The following CTNNA2 variants were observed in gnomAD, a reference collection of about 807,000 sequenced individuals.
CTNNA2 encodes catenin alpha-2.
A neutral mutation model predicts 101.0 loss-of-function variants in CTNNA2; 42 were observed. The observed-to-expected ratio is 0.42, with a 90% CI of 0.32 to 0.54. The LOEUF (loss-of-function observed/expected upper bound fraction) is 0.54, where lower values mean the gene tolerates loss of function less well. CTNNA2 is among the 20% of genes least tolerant of loss of function. The pLI, the probability that CTNNA2 is intolerant of heterozygous loss-of-function variation, is 0.14. For missense variants in CTNNA2, 871 were observed against 1,223.1 expected (o/e 0.71, Z 4.29); for synonymous variants, 450 against 456.4 (o/e 0.99, Z 0.18).
intron 3 of CTNNA2, among the ~76,000 whole-genome samples, chr2:79,767,493 G>C (rs891564405): frequency 2.6e-5 from 4 of 151,948 alleles, no homozygotes; most frequent in African/African-American, 9.7e-5. Flanking sequence ...ATCCTTCTTG[G>C]GAAGGCTTTC....
At chr2:80,307,959 G>T (rs533360855) in intron 7 of CTNNA2, among the ~76,000 whole-genome samples, 1 of 152,216 alleles carries the variant, frequency 6.6e-6, no homozygotes, top group African/African-American at 2.4e-5. Context: ...ACATAATCTG[G>T]AACTAAGGGG....
chr2:79,503,673 C>A (rs910251066), intron 4 of CTNNA2, among the ~76,000 whole-genome samples: 72 of 152,252 alleles, frequency 4.7e-4, no homozygotes, highest in Non-Finnish European at 3.2e-4. Flanking sequence ...TATTGTTTTA[C>A]CCTAATACAT....
intron 7 of CTNNA2, among the ~76,000 whole-genome samples, chr2:80,211,559 C>A (rs935637284): frequency 6.6e-6 from 1 of 152,144 alleles, no homozygotes; most frequent in African/African-American, 2.4e-5. Flanking sequence ...GGGCTCTATT[C>A]TGTTCCATTG....
At chr2:80,433,501 C>A (rs927128139) in intron 9 of CTNNA2, among the ~76,000 whole-genome samples, 3 of 151,988 alleles carry the variant, frequency 2.0e-5, no homozygotes, top group African/African-American at 7.2e-5. Flanking sequence ...AGGAGAGATT[C>A]AGGCTGTCGC....
chr2:79,929,163 A>G (rs1420108983), intron 7 of CTNNA2, among the ~76,000 whole-genome samples: 1 of 152,136 alleles, frequency 6.6e-6, no homozygotes, highest in Non-Finnish European at 1.5e-5. Context: ...ATTTTGGTGG[A>G]TTAGCAACTG....
intron 9 of CTNNA2, among the ~76,000 whole-genome samples, chr2:80,430,837 C>G (rs567039242): frequency 1.3e-5 from 2 of 152,200 alleles, no homozygotes; most frequent in African/African-American, 4.8e-5. Context: ...CTATTCTCTG[C>G]ATGTATGTAT....
intron 7 of CTNNA2, among the ~76,000 whole-genome samples, chr2:80,339,014 C>T (rs528706446): frequency 7.2e-5 from 11 of 152,308 alleles, no homozygotes; most frequent in Admixed American, 5.9e-4. Flanking sequence ...CACTGTACTT[C>T]GTACCAGAAT....
At chr2:80,600,622 TGA>T (rs958018560) in intron 15 of CTNNA2, among the ~76,000 whole-genome samples, 2 of 152,102 alleles carry the variant, frequency 1.3e-5, no homozygotes, top group South Asian at 2.1e-4. Context: ...ATAACAGAAA[TGA>T]AAATTATTTT....
chr2:80,507,577 T>A (rs1235408627), intron 9 of CTNNA2, among the ~76,000 whole-genome samples: 1 of 152,222 alleles, frequency 6.6e-6, no homozygotes, highest in African/African-American at 2.4e-5. Context: ...TTATTGTGGC[T>A]GAAATTTTAT....
intron 4 of CTNNA2, among the ~76,000 whole-genome samples, chr2:79,488,550 G>C (rs1389617293): frequency 6.6e-6 from 1 of 152,130 alleles, no homozygotes; most frequent in East Asian, 1.9e-4. Context: ...TCATTTAACT[G>C]AGTAACTGAG....
chr2:80,430,015 T>A (rs147075472), intron 9 of CTNNA2, among the ~76,000 whole-genome samples: 124 of 152,324 alleles, frequency 8.1e-4, no homozygotes, highest in African/African-American at 2.9e-3. Context: ...GAAATCAATT[T>A]TTTTCATATG....
intron 3 of CTNNA2, among the ~76,000 whole-genome samples, chr2:79,848,996 G>A (rs746343422): frequency 1.3e-5 from 2 of 152,096 alleles, no homozygotes; most frequent in Non-Finnish European, 2.9e-5. Context: ...ACCTGACCAC[G>A]GCACTTGGGC....
chr2:80,623,897 GA>G (rs1214004489), intron 18 of CTNNA2, among the ~76,000 whole-genome samples: 1 of 151,878 alleles, frequency 6.6e-6, no homozygotes, highest in Admixed American at 6.6e-5. Flanking sequence ...AAGATTTTGG[GA>G]AAAATAGTTT....
Position 80,105,466 on chromosome 2 carries a change from A to G in CTNNA2, c.1056+195669A>G, listed in dbSNP as rs183451505. Among the ~76,000 whole-genome samples, 1,166 of 152,304 alleles carry G rather than the reference A, an allele frequency of 7.7e-3. 5 individuals are homozygous for G. The highest frequency in any genetic ancestry group is 0.034 in the Middle Eastern group (10 of 294). On this transcript the variant is annotated intron_variant, in intron 7 of 18. Coordinates refer to ENST00000402739, the MANE Select transcript of CTNNA2 (RefSeq NM_001282597.3). ...TGGCTGAGTGCAGTAGCTCACACGT[A>G]TAATCTCAACACTTTGAGAGGCTGT...
At chr2:79,867,592 C>T (rs4852534) in intron 4 of CTNNA2, among the ~76,000 whole-genome samples, 34,026 of 151,982 alleles carry the variant, frequency 0.22, 4,238 homozygotes, top group East Asian at 0.57. Flanking sequence ...TACCTTTACA[C>T]GGAAAGACCC....
chr2:79,748,973 A>T (rs1228868272), intron 3 of CTNNA2, among the ~76,000 whole-genome samples: 1 of 152,150 alleles, frequency 6.6e-6, no homozygotes, highest in African/African-American at 2.4e-5. Context: ...ATGGAGTTTT[A>T]CTGGGGGGCT....
At chr2:80,210,619 G>A (rs1183018440) in intron 7 of CTNNA2, among the ~76,000 whole-genome samples, 2 of 152,114 alleles carry the variant, frequency 1.3e-5, no homozygotes, top group Non-Finnish European at 2.9e-5. Flanking sequence ...ATCATTGATG[G>A]ACATTTGGGT....
intron 4 of CTNNA2, among the ~76,000 whole-genome samples, chr2:79,499,423 T>G (rs1340423153): frequency 6.6e-6 from 1 of 152,176 alleles, no homozygotes; most frequent in Non-Finnish European, 1.5e-5. Context: ...ACATCACTTC[T>G]CCATATAGCA....
intron 1 of CTNNA2, among the ~76,000 whole-genome samples, chr2:79,604,593 G>T (rs1393237457): frequency 6.6e-6 from 1 of 152,196 alleles, no homozygotes; most frequent in African/African-American, 2.4e-5. Flanking sequence ...TCCTCCTTTT[G>T]TAATCAGCTG....
Sources: gnomAD v4.1 joint callset for allele counts (sites outside exome capture counted in the v4.1 genomes callset) on GRCh38, gnomAD v4.1.1 for gene constraint, MANE v1.5 for transcripts, NCBI Gene and HGNC (gene_info 2026-07-23, HGNC 2026-07-21) for gene names.